CLEC2A: variants seen among roughly 807,000 people sequenced by gnomAD.
The protein encoded by CLEC2A is C-type lectin domain family 2 member A.
A neutral mutation model predicts 18.6 loss-of-function variants in CLEC2A; 19 were observed. The observed-to-expected ratio is 1.02, with a 90% CI of 0.71 to 1.50. The LOEUF (loss-of-function observed/expected upper bound fraction) is 1.50. Among genes scored for constraint, CLEC2A ranks in the 40% most tolerant of loss-of-function variants. The pLI is 0.00. For synonymous variants in CLEC2A, 74 were observed against 64.0 expected, an observed-to-expected ratio of 1.16 and a Z score of -0.75; for missense variants, 190 against 207.9, an observed-to-expected ratio of 0.91 and a Z score of 0.53.
chr12:9,896,795 A>T (rs1862761254), downstream of CLEC2A, among the ~76,000 whole-genome samples: 1 of 151,260 alleles, frequency 6.6e-6, no homozygotes, highest in Non-Finnish European at 1.5e-5. Flanking sequence ...ATATGTCCTT[A>T]TGTTCTTTTG....
intron 1 of CLEC2A, among the ~76,000 whole-genome samples, chr12:9,928,191 C>T (rs1245578747): frequency 5.3e-5 from 8 of 152,088 alleles, no homozygotes; most frequent in Admixed American, 4.6e-4. Flanking sequence ...AAGGGCTGGG[C>T]ACAGTGGCTC....
chr12:9,916,602 A>G, intron 4 of CLEC2A, 98 bp downstream of exon 4: 2 of 803,354 alleles, frequency 2.5e-6, no homozygotes, highest in Non-Finnish European at 4.1e-6. Flanking sequence ...CACATGGAAA[A>G]CAGAAAGATT....
chr12:9,923,934 G>C (rs1254087089), intron 2 of CLEC2A, among the ~76,000 whole-genome samples: 1 of 151,930 alleles, frequency 6.6e-6, no homozygotes, highest in Non-Finnish European at 1.5e-5. Flanking sequence ...TGTTGGGGTT[G>C]GGGGAGTGGG....
chr12:9,927,766 A>T (rs1049820360), intron 1 of CLEC2A, among the ~76,000 whole-genome samples: 1 of 152,206 alleles, frequency 6.6e-6, no homozygotes, highest in Non-Finnish European at 1.5e-5. Context: ...GTTTGATAGG[A>T]AGAAGAGTTT....
At position 9,900,422 on chromosome 12, in the gene CLEC2A, A is replaced by T. The variant is rs568035501; in HGVS notation, c.411-1446T>A. Among the ~76,000 whole-genome samples, 10 of 148,814 alleles carry T rather than the reference A, an allele frequency of 6.7e-5. No individual in the cohort carries two copies. The South Asian group carries it at 2.1e-3, about 31-fold the overall frequency. ...TCTCTCTGCAGTCCTCATTTTTGTT[A>T]AAAAAAAAATCATCCTAAGACTGAG... is the stretch of plus-strand genomic sequence containing the variant. On this transcript the variant is annotated intron_variant, in intron 4 of 4. Coordinates refer to the CLEC2A transcript ENST00000339766.
At chr12:9,887,525 T>C in the CLEC2A span, among the ~76,000 whole-genome samples, 3 of 152,128 alleles carry the variant, frequency 2.0e-5, no homozygotes. Context: ...TGTTTTGGAA[T>C]AACAACAGCA....
chr12:9,919,442 T>C (rs1312336173), intron 3 of CLEC2A, among the ~76,000 whole-genome samples: 1 of 152,180 alleles, frequency 6.6e-6, no homozygotes, highest in South Asian at 2.1e-4. Context: ...CTGCAACTTG[T>C]TGGAGGTGTG....
At chr12:9,921,403 T>C (rs182824371) in intron 3 of CLEC2A, among the ~76,000 whole-genome samples, 11 of 152,170 alleles carry the variant, frequency 7.2e-5, no homozygotes, top group Non-Finnish European at 1.5e-4. Flanking sequence ...CTGGACAACA[T>C]AGTGAGACCT....
At chr12:9,905,841 C>A (rs1434241861) in intron 4 of CLEC2A, among the ~76,000 whole-genome samples, 2 of 152,080 alleles carry the variant, frequency 1.3e-5, no homozygotes, top group East Asian at 3.9e-4. Context: ...ACATTATTAG[C>A]AGTCACATTT....
At chr12:9,886,456 G>T in the CLEC2A span, among the ~76,000 whole-genome samples, 2 of 152,020 alleles carry the variant, frequency 1.3e-5, no homozygotes, top group Non-Finnish European at 2.9e-5. Context: ...AAATCAATGG[G>T]GAGAACCTTA....
chr12:9,928,979 G>T (rs1863326201), intron 1 of CLEC2A, among the ~76,000 whole-genome samples: 1 of 151,878 alleles, frequency 6.6e-6, no homozygotes, highest in South Asian at 2.1e-4. Flanking sequence ...TCCTGTTCTG[G>T]CATGTGATAT....
At chr12:9,888,425 G>A in the CLEC2A span, among the ~76,000 whole-genome samples, 1 of 151,960 alleles carries the variant, frequency 6.6e-6, no homozygotes, top group Admixed American at 6.5e-5. Context: ...GGGAGTCGGA[G>A]CTTGCAGTGA....
At chr12:9,882,789 C>CA in the CLEC2A span, among the ~76,000 whole-genome samples, 1 of 151,246 alleles carries the variant, frequency 6.6e-6, no homozygotes, top group Non-Finnish European at 1.5e-5. Context: ...TATAAAAAAA[C>CA]AAAAAAAATT....
intron 2 of CLEC2A, 67 bp from the exon 3 acceptor site, chr12:9,922,299 G>A: frequency 1.5e-6 from 2 of 1,337,666 alleles, no homozygotes; most frequent in East Asian, 2.7e-5. Flanking sequence ...TCATTCAGGT[G>A]TATTAATTTT....
the CLEC2A span, among the ~76,000 whole-genome samples, chr12:9,879,891 C>T: frequency 6.6e-6 from 1 of 152,168 alleles, no homozygotes; most frequent in Non-Finnish European, 1.5e-5. Flanking sequence ...CAAAGAAGCA[C>T]AGTAAACTGC....
chr12:9,922,249 G>C lies in CLEC2A; in HGVS notation c.140-17C>G, dbSNP rs1565534069. The C allele has an allele frequency of 1.3e-6, 2 of 1,509,106 alleles. No individual in the cohort carries two copies. Among genetic ancestry groups the C allele is most frequent in the Non-Finnish European group, 1.8e-6 (2 of 1,128,336 alleles). The allele number at this position is 1,509,106 out of a possible 1,614,324, so 93.5% of individuals were successfully genotyped here. A position where few individuals can be genotyped will look rare whatever the true frequency, so the allele number is the denominator to read the frequency against. The stretch of plus-strand genomic sequence containing the variant: ...ACCATGTGGCTGAAAAAAAAAGAAA[G>C]AAATGATCAGATAAAGCATATGTTA... On this transcript the variant is annotated splice_polypyrimidine_tract_variant and intron_variant, in intron 2 of 4. Coordinates refer to ENST00000455827, the MANE Select transcript of CLEC2A (RefSeq NM_001130711.2).
At chr12:9,931,595 T>G (rs1435597655) in intron 1 of CLEC2A, among the ~76,000 whole-genome samples, 2 of 152,174 alleles carry the variant, frequency 1.3e-5, no homozygotes, top group African/African-American at 4.8e-5. Context: ...AAAAGAATTA[T>G]CCCAATTGCC....
chr12:9,899,839 C>G (rs1216055826), intron 4 of CLEC2A, among the ~76,000 whole-genome samples: 4 of 152,214 alleles, frequency 2.6e-5, no homozygotes, highest in Non-Finnish European at 2.9e-5. Flanking sequence ...CACCTGCATT[C>G]TGCCTCTTAA....
intron 2 of CLEC2A, among the ~76,000 whole-genome samples, chr12:9,923,626 C>T (rs1863211463): frequency 6.6e-6 from 1 of 152,216 alleles, no homozygotes; most frequent in African/African-American, 2.4e-5. Context: ...GACACATACA[C>T]ACGTATGTTT....
Sources: allele counts gnomAD v4.1 joint callset (sites outside exome capture counted in the v4.1 genomes callset), GRCh38; gene constraint gnomAD v4.1.1; transcripts MANE v1.5; gene names NCBI Gene and HGNC (gene_info 2026-07-23, HGNC 2026-07-21).